DERA: variants seen among roughly 807,000 people sequenced by gnomAD.
The protein encoded by DERA is deoxyribose-phosphate aldolase, also known as 2-deoxy-D-ribose 5-phosphate aldolase.
DERA carries 15 observed loss-of-function variants against 41.1 expected under a neutral mutation model. That is an observed-to-expected ratio of 0.37 (90% CI 0.24 to 0.56). The LOEUF (loss-of-function observed/expected upper bound fraction) is 0.56. Among genes scored for constraint, DERA ranks in the 20% least tolerant of loss-of-function variants. DERA has a pLI of 0.81. For missense variants in DERA, 396 were observed against 403.4 expected, an observed-to-expected ratio of 0.98 and a Z score of 0.16; for synonymous variants, 139 against 137.4, an observed-to-expected ratio of 1.01 and a Z score of -0.08.
In DERA at chr12:15,998,344, G is replaced by A. The variant is rs1311032820; in HGVS notation, c.637+15908G>A. On this transcript the variant is annotated intron_variant, in intron 6 of 8. Coordinates refer to ENST00000428559, the MANE Select transcript of DERA (RefSeq NM_015954.4). This position sits in a 1 kb window ranked among gnomAD's most constrained non-coding sequence, Gnocchi z 4.8. ...ATTTATTTATTTATTTAGAGACGGA[G>A]TCTAGCTGTGTCGCCCAGGCTAGAG... is the stretch of plus-strand genomic sequence containing the variant. Among the ~76,000 whole-genome samples the A allele has an allele frequency of 2.0e-5, 3 of 152,052 alleles. No homozygotes were observed. The highest frequency in any genetic ancestry group is 1.5e-5 in the Non-Finnish European group (1 of 68,022).
chr12:15,991,241 A>G (rs1948800148), intron 6 of DERA, among the ~76,000 whole-genome samples: 1 of 152,134 alleles, frequency 6.6e-6, no homozygotes, highest in Admixed American at 6.5e-5. Flanking sequence ...ATTGTTGGCC[A>G]CATGTATGTC....
rs1371022905 is a variant in DERA, at chr12:15,931,656, G to C, written c.31+20242G>C. ...GATGTGGTTTGTCTACACTAAAGCT[G>C]ATGTTCAAATTTGATCCTCAGTGTG... On this transcript the variant is annotated intron_variant, in intron 1 of 8. Transcript: ENST00000428559. This position sits in a 1 kb window ranked among gnomAD's most constrained non-coding sequence, Gnocchi z 4.6. 6.6e-6 allele frequency among the ~76,000 whole-genome samples: 1 copy of C among 152,196 alleles called. No individual in the cohort carries two copies. The highest frequency in any genetic ancestry group is 3.2e-3 in the Middle Eastern group (1 of 316).
intron 6 of DERA, among the ~76,000 whole-genome samples, chr12:16,031,176 G>C (rs1285833599): frequency 6.6e-6 from 1 of 152,252 alleles, no homozygotes; most frequent in Non-Finnish European, 1.5e-5. Context: ...GCCAGAGCTA[G>C]AAACCAGATC....
At position 15,911,512 on chromosome 12, in the gene DERA, TC is replaced by T; in HGVS notation, c.31+102del. The T allele has an allele frequency of 8.1e-7, 1 of 1,230,344 alleles. No individual in the cohort carries two copies. The highest frequency in any genetic ancestry group is 1.1e-6 in the Non-Finnish European group (1 of 913,414). 76.2% of individuals were successfully genotyped at this position (1,230,344 alleles called of 1,614,324 possible). ...TGCCGCCCAGTGCCCTGGCTGTGGG[TC>T]CCCGAGGGGTTTTCGCTGGGGCGGG... On this transcript the variant is annotated intron_variant, in intron 1 of 8. Transcript: ENST00000428559. This position sits in a 1 kb window ranked among gnomAD's most constrained non-coding sequence, Gnocchi z 4.5.
chr12:16,024,509 A>G (rs1949040496), intron 6 of DERA, among the ~76,000 whole-genome samples: 2 of 152,212 alleles, frequency 1.3e-5, no homozygotes, highest in Non-Finnish European at 2.9e-5. Context: ...TTTAAAGAAA[A>G]AAGCAAAAAC....
intron 6 of DERA, among the ~76,000 whole-genome samples, chr12:16,031,952 G>C (rs1423466187): frequency 6.6e-6 from 1 of 152,100 alleles, no homozygotes. Context: ...TACATTAATA[G>C]GTTTAAGATA....
intron 1 of DERA, among the ~76,000 whole-genome samples, chr12:15,920,649 A>G (rs541080168): frequency 2.6e-5 from 4 of 152,000 alleles, no homozygotes; most frequent in African/African-American, 9.7e-5. Context: ...CCTGGCCAAC[A>G]TGGTGAAAGC....
At chr12:15,930,774 C>T (rs1011882088) in intron 1 of DERA, among the ~76,000 whole-genome samples, 1 of 152,002 alleles carries the variant, frequency 6.6e-6, no homozygotes, top group Non-Finnish European at 1.5e-5. Flanking sequence ...ATAAGATATG[C>T]TTTTCATAGT....
chr12:16,025,213 A>C (rs1234604844), intron 6 of DERA, among the ~76,000 whole-genome samples: 2 of 152,192 alleles, frequency 1.3e-5, no homozygotes, highest in Non-Finnish European at 2.9e-5. Flanking sequence ...ATTTGACTAC[A>C]TCAGTAATTA....
chr12:16,016,512 T>A (rs1317122772), intron 6 of DERA, among the ~76,000 whole-genome samples: 3 of 152,134 alleles, frequency 2.0e-5, no homozygotes, highest in Non-Finnish European at 4.4e-5. Context: ...TTTGAAAGAT[T>A]AAACAAGTTG....
chr12:15,985,878 G>A lies in DERA; in HGVS notation c.637+3442G>A, dbSNP rs1329479614. Reference sequence around the variant, plus strand: ...GAGCAAATGTCAGATCGAATTGGTTGATAATGTTTTTCAGATCTAGTTTTG... The same window carrying A: ...GAGCAAATGTCAGATCGAATTGGTTAATAATGTTTTTCAGATCTAGTTTTG... On this transcript the variant is annotated intron_variant, in intron 6 of 8. Transcript: ENST00000428559. The surrounding 1 kb of genome is among the most constrained non-coding windows in gnomAD (Gnocchi z 4.2). Among the ~76,000 whole-genome samples the A allele has an allele frequency of 6.6e-6, 1 of 152,114 alleles. No homozygotes were observed. The highest frequency in any genetic ancestry group is 1.5e-5 in the Non-Finnish European group (1 of 68,002).
At chr12:15,948,716 G>A in intron 1 of DERA, among the ~76,000 whole-genome samples, 1 of 152,184 alleles carries the variant, frequency 6.6e-6, no homozygotes, top group Middle Eastern at 3.2e-3. Context: ...GTCATTCTCT[G>A]TCCAGCTTTG....
rs1054442893 is a variant in DERA at position 16,009,724 on chromosome 12, C to T, written c.638-22818C>T. 2.0e-5 allele frequency among the ~76,000 whole-genome samples: 3 copies of T among 151,982 alleles called. No individual in the cohort carries two copies. The highest frequency in any genetic ancestry group is 4.4e-5 in the Non-Finnish European group (3 of 68,016). ...GACATTTAATAACCTTCCTGAAATA[C>T]ATGGGAGAAATTATATCTACAATGT... On this transcript the variant is annotated intron_variant, in intron 6 of 8. Coordinates refer to ENST00000428559, the MANE Select transcript of DERA (RefSeq NM_015954.4). The surrounding 1 kb of genome is among the most constrained non-coding windows in gnomAD (Gnocchi z 5.3).
chr12:15,911,809 T>G lies in DERA; in HGVS notation c.31+395T>G. On this transcript the variant is annotated intron_variant, in intron 1 of 8. Coordinates refer to ENST00000428559, the MANE Select transcript of DERA (RefSeq NM_015954.4). The surrounding 1 kb of genome is among the most constrained non-coding windows in gnomAD (Gnocchi z 4.5). ...CCTTTTAATAGAATACTTGTGTAAT[T>G]TAATGCAGTATTTCCGTAGATAATT... 1 of 488,174 alleles carries G rather than the reference T, an allele frequency of 2.0e-6. No homozygotes were observed. Among genetic ancestry groups the G allele is most frequent in the Admixed American group, 2.3e-5 (1 of 43,140 alleles). 30.2% of individuals were successfully genotyped at this position (488,174 alleles called of 1,614,324 possible).
chr12:15,914,496 G>A (rs1948186377), intron 1 of DERA, among the ~76,000 whole-genome samples: 1 of 152,070 alleles, frequency 6.6e-6, no homozygotes, highest in Non-Finnish European at 1.5e-5. Context: ...CCCCGTGTAT[G>A]GTTGCATGGA....
At chr12:15,952,307 A>G (rs1948504307) in intron 1 of DERA, among the ~76,000 whole-genome samples, 1 of 152,198 alleles carries the variant, frequency 6.6e-6, no homozygotes, top group East Asian at 1.9e-4. Context: ...GCTGCCACAC[A>G]TACGTTTTCA....
intron 1 of DERA, among the ~76,000 whole-genome samples, chr12:15,949,828 A>G (rs1199696177): frequency 1.3e-5 from 2 of 152,254 alleles, no homozygotes; most frequent in Middle Eastern, 3.4e-3. Flanking sequence ...TTCCTATTCT[A>G]CCATCTTGGA....
intron 1 of DERA, among the ~76,000 whole-genome samples, chr12:15,948,712 C>G (rs181431725): frequency 6.6e-6 from 1 of 152,364 alleles, no homozygotes; most frequent in East Asian, 1.9e-4. Context: ...CAAAGTCATT[C>G]TCTGTCCAGC....
chr12:15,970,708 T>A lies in DERA; in HGVS notation c.508+7761T>A, dbSNP rs1398264472. 6.6e-6 allele frequency among the ~76,000 whole-genome samples: 1 copy of A among 152,192 alleles called. No individual in the cohort carries two copies. The highest frequency in any genetic ancestry group is 1.5e-5 in the Non-Finnish European group (1 of 68,044). Reference sequence around the variant, plus strand: ...TCCAACTCCATCTCTCTTTTCAGACTGTTCAAGATGTACACATGTACTTGG... The same window carrying A: ...TCCAACTCCATCTCTCTTTTCAGACAGTTCAAGATGTACACATGTACTTGG... On this transcript the variant is annotated intron_variant, in intron 5 of 8. Transcript: ENST00000428559. The surrounding 1 kb of genome is among the most constrained non-coding windows in gnomAD (Gnocchi z 4.3).
Sources: gnomAD v4.1 joint callset for allele counts (sites outside exome capture counted in the v4.1 genomes callset) on GRCh38, gnomAD v4.1.1 for gene constraint, Gnocchi (gnomAD v3.1) non-coding constraint, MANE v1.5 for transcripts, NCBI Gene and HGNC (gene_info 2026-07-23, HGNC 2026-07-21) for gene names.